WFDC9: variants seen among roughly 807,000 people sequenced by gnomAD.
The protein encoded by WFDC9 is protein WFDC9.
WFDC9 carries 9 observed loss-of-function variants against 9.5 expected under a neutral mutation model. That is an observed-to-expected ratio of 0.95 (90% CI 0.57 to 1.65). The LOEUF is 1.65. Ranked by LOEUF, WFDC9 falls within the 40% of genes most tolerant of loss-of-function variation. WFDC9 has a pLI of 0.00. For synonymous variants in WFDC9, 33 were observed against 32.3 expected (o/e 1.02, Z -0.07); for missense variants, 87 against 106.7 (o/e 0.82, Z 0.81).
Position 45,610,155 on chromosome 20 carries a change from G to C in WFDC9, c.27C>G (p.Val9=), listed in dbSNP as rs761762348. Residue 9 remains valine, a synonymous_variant, in exon 3 of 5, where the codon GTC becomes GTG. Transcript: ENST00000326000. ...GCATCACAACTCCAGAGATGAACAT[G>C]ACGAGTAGAAGAATCCAGGGCTTCA... The part of the protein sequence containing the change: MKPWILLL[V]MFISGVVMLL... 1 of 1,614,008 alleles carries C rather than the reference G, an allele frequency of 6.2e-7. No individual in the cohort carries two copies. Among genetic ancestry groups the C allele is most frequent in the African/African-American group, 1.3e-5 (1 of 74,918 alleles).
At chr20:45,631,040 T>G (rs745381776) in intron 1 of WFDC9, 163 bp downstream of exon 1, 1 of 1,567,484 alleles carries the variant, frequency 6.4e-7, no homozygotes, top group South Asian at 1.2e-5. Flanking sequence ...GGCTGGGATG[T>G]GCATCCTGCT....
intron 1 of WFDC9, among the ~76,000 whole-genome samples, chr20:45,625,148 G>A (rs1982188360): frequency 1.3e-5 from 2 of 152,148 alleles, no homozygotes; most frequent in African/African-American, 4.8e-5. Context: ...AAGGCGAAGG[G>A]GAAGCAAGGC....
chr20:45,619,468 A>G (rs1343967746), intron 1 of WFDC9, among the ~76,000 whole-genome samples: 2 of 152,238 alleles, frequency 1.3e-5, no homozygotes, highest in African/African-American at 4.8e-5. Context: ...TCCCAGAAAA[A>G]CAAAGACTGA....
At chr20:45,612,624 A>T (rs1367614872) in intron 2 of WFDC9, among the ~76,000 whole-genome samples, 2 of 152,102 alleles carry the variant, frequency 1.3e-5, no homozygotes, top group Non-Finnish European at 2.9e-5. Context: ...TTAACACTGT[A>T]AAAATTTAAC....
intron 1 of WFDC9, among the ~76,000 whole-genome samples, chr20:45,623,117 G>A (rs1982136917): frequency 6.6e-6 from 1 of 152,112 alleles, no homozygotes; most frequent in Admixed American, 6.5e-5. Context: ...ATTCAGAGGA[G>A]CCCAAGCTGA....
At chr20:45,608,322 C>T (rs1981773852) in intron 4 of WFDC9, among the ~76,000 whole-genome samples, 182 bp from the exon 5 acceptor site, 2 of 152,180 alleles carry the variant, frequency 1.3e-5, no homozygotes, top group African/African-American at 4.8e-5. Flanking sequence ...GATACCAGGT[C>T]TCCTTGGGCC....
At chr20:45,609,444 G>T (rs1329560221) in intron 3 of WFDC9, among the ~76,000 whole-genome samples, 1 of 151,888 alleles carries the variant, frequency 6.6e-6, no homozygotes, top group Non-Finnish European at 1.5e-5. Context: ...CTCGTGATCC[G>T]CCCACCTCAG....
chr20:45,617,985 C>T (rs1982009526), intron 1 of WFDC9, among the ~76,000 whole-genome samples: 1 of 152,136 alleles, frequency 6.6e-6, no homozygotes, highest in South Asian at 2.1e-4. Context: ...CATAAAGTTC[C>T]TTGAGGATGT....
intron 1 of WFDC9, among the ~76,000 whole-genome samples, chr20:45,629,098 T>C (rs751207038): frequency 6.6e-6 from 1 of 152,194 alleles, no homozygotes; most frequent in Non-Finnish European, 1.5e-5. Flanking sequence ...TCTCTTTCTG[T>C]GTGTTTATGT....
At chr20:45,629,849 C>G in intron 1 of WFDC9, 1 of 1,614,044 alleles carries the variant, frequency 6.2e-7, no homozygotes, top group Non-Finnish European at 8.5e-7. Context: ...TCCTGGTTCT[C>G]TGTGTGCTGC....
intron 1 of WFDC9, among the ~76,000 whole-genome samples, chr20:45,630,269 C>T (rs545896972): frequency 7.2e-5 from 11 of 151,950 alleles, no homozygotes; most frequent in South Asian, 2.1e-4. Context: ...GTGGTTATGA[C>T]GGTAGGTGTA....
intron 2 of WFDC9, among the ~76,000 whole-genome samples, chr20:45,611,662 A>G (rs1450520233): frequency 6.6e-6 from 1 of 152,168 alleles, no homozygotes; most frequent in Non-Finnish European, 1.5e-5. Context: ...TGTCCTGATG[A>G]ACCTCCTTAT....
chr20:45,622,090 A>T (rs1365088291), intron 1 of WFDC9, among the ~76,000 whole-genome samples: 1 of 148,402 alleles, frequency 6.7e-6, no homozygotes, highest in Non-Finnish European at 1.5e-5. Flanking sequence ...AAGCATTCTG[A>T]TGTTTCATAT....
intron 1 of WFDC9, among the ~76,000 whole-genome samples, chr20:45,615,421 G>A (rs901438150): frequency 1.3e-5 from 2 of 152,144 alleles, no homozygotes; most frequent in African/African-American, 4.8e-5. Flanking sequence ...CTCAAAGCCT[G>A]TCTGCAGGAA....
At chr20:45,609,591 T>A (rs1981814931) in intron 3 of WFDC9, among the ~76,000 whole-genome samples, 1 of 152,188 alleles carries the variant, frequency 6.6e-6, no homozygotes, top group South Asian at 2.1e-4. Flanking sequence ...ACAACCCTCC[T>A]GCTCAGTGTC....
intron 1 of WFDC9, among the ~76,000 whole-genome samples, chr20:45,628,813 T>C (rs1399450220): frequency 2.6e-5 from 4 of 152,196 alleles, no homozygotes; most frequent in South Asian, 2.1e-4. Context: ...CTTTAGAAGA[T>C]TATCATCATC....
chr20:45,623,559 G>A (rs1325896394), intron 1 of WFDC9, among the ~76,000 whole-genome samples: 2 of 151,824 alleles, frequency 1.3e-5, no homozygotes, highest in Admixed American at 1.3e-4. Context: ...CTCAGGGGGC[G>A]GAGGTTGCAG....
At chr20:45,625,510 A>C (rs2145602044) in intron 1 of WFDC9, among the ~76,000 whole-genome samples, 1 of 152,068 alleles carries the variant, frequency 6.6e-6, no homozygotes, top group East Asian at 1.9e-4. Context: ...TGGTTGTGAG[A>C]TCTTATATTA....
chr20:45,625,721 T>G (rs1982202143), intron 1 of WFDC9, among the ~76,000 whole-genome samples: 1 of 151,858 alleles, frequency 6.6e-6, no homozygotes, highest in Non-Finnish European at 1.5e-5. Flanking sequence ...CTGAAGAGAC[T>G]ATCCTTTCCC....
Sources: allele counts gnomAD v4.1 joint callset (sites outside exome capture counted in the v4.1 genomes callset), GRCh38; gene constraint gnomAD v4.1.1; transcripts MANE v1.5; gene names NCBI Gene and HGNC (gene_info 2026-07-23, HGNC 2026-07-21).